Variants in RASEF observed in about 807,000 individuals in gnomAD.
The protein encoded by RASEF is RAS and EF-hand domain containing.
Under a neutral mutation model 90.1 loss-of-function variants are expected in RASEF, and 68 were observed. The observed-to-expected ratio is 0.75, with a 90% CI of 0.62 to 0.92. The LOEUF (loss-of-function observed/expected upper bound fraction) is 0.92, where lower values mean the gene tolerates loss of function less well. Ranked by LOEUF, RASEF falls within the 40% of genes least tolerant of loss-of-function variation. RASEF has a pLI of 0.00. For synonymous variants in RASEF, 331 were observed against 345.2 expected, an observed-to-expected ratio of 0.96 and a Z score of 0.46; for missense variants, 949 against 937.2, an observed-to-expected ratio of 1.01 and a Z score of -0.16.
At chr9:83,205,124 A>C in the RASEF span, among the ~76,000 whole-genome samples, 35 of 152,352 alleles carry the variant, frequency 2.3e-4, no homozygotes, top group African/African-American at 7.9e-4. Flanking sequence ...CACAAAACAA[A>C]GTTGATGAAA....
chr9:83,142,667 G>A, the RASEF span, among the ~76,000 whole-genome samples: 2 of 152,166 alleles, frequency 1.3e-5, no homozygotes, highest in African/African-American at 4.8e-5. Context: ...GAGGACTGCA[G>A]CAAACCAGAG....
the RASEF span, among the ~76,000 whole-genome samples, chr9:83,182,490 G>A: frequency 6.6e-6 from 1 of 152,140 alleles, no homozygotes; most frequent in Non-Finnish European, 1.5e-5. Flanking sequence ...AAATTACACT[G>A]TAAATCAGAG....
chr9:83,167,365 T>C, the RASEF span, among the ~76,000 whole-genome samples: 1 of 9,502 alleles, frequency 1.1e-4, no homozygotes, highest in Non-Finnish European at 1.9e-4. Context: ...TCTTTAGGCC[T>C]TTTTTTTTTT....
intron 1 of RASEF, among the ~76,000 whole-genome samples, chr9:83,057,399 A>G (rs1025304762): frequency 4.3e-4 from 66 of 152,324 alleles, no homozygotes; most frequent in African/African-American, 1.5e-3. Flanking sequence ...ACCAATAATG[A>G]GCTGTAGTTA....
At chr9:82,993,415 C>T (rs576661554) in intron 14 of RASEF, among the ~76,000 whole-genome samples, 150 of 152,284 alleles carry the variant, frequency 9.9e-4, no homozygotes, top group African/African-American at 3.5e-3. Context: ...GCACTACAAG[C>T]CAATATAAAC....
At chr9:83,038,008 T>C (rs1587513706) in intron 1 of RASEF, among the ~76,000 whole-genome samples, 1 of 152,050 alleles carries the variant, frequency 6.6e-6, no homozygotes, top group Non-Finnish European at 1.5e-5. Context: ...TCTGAACTCA[T>C]GAGAAAGATC....
the RASEF span, among the ~76,000 whole-genome samples, chr9:83,089,626 G>C: frequency 6.6e-6 from 1 of 152,156 alleles, no homozygotes; most frequent in East Asian, 1.9e-4. Flanking sequence ...TCCATATTTT[G>C]ATAAGAAATC....
At chr9:83,178,065 GTT>G in the RASEF span, among the ~76,000 whole-genome samples, 1 of 152,040 alleles carries the variant, frequency 6.6e-6, no homozygotes, top group African/African-American at 2.4e-5. Context: ...TTAAATGGTT[GTT>G]TTTTGTTGGT....
chr9:83,206,282 A>G, the RASEF span, among the ~76,000 whole-genome samples: 9 of 152,362 alleles, frequency 5.9e-5, no homozygotes, highest in African/African-American at 1.4e-4. Context: ...GGTTTATTCT[A>G]TGAAAGAAAA....
intron 16 of RASEF, among the ~76,000 whole-genome samples, chr9:82,985,563 A>G (rs1056867479): frequency 1.3e-5 from 2 of 152,194 alleles, no homozygotes; most frequent in African/African-American, 2.4e-5. Context: ...GTAAGACACC[A>G]ATGTGGGGTT....
At chr9:83,060,147 C>G (rs964957994) in intron 1 of RASEF, among the ~76,000 whole-genome samples, 1 of 152,050 alleles carries the variant, frequency 6.6e-6, no homozygotes, top group African/African-American at 2.4e-5. Flanking sequence ...CAGACTGTCC[C>G]CAGGGATAAG....
chr9:83,046,989 T>C (rs1829945301), intron 1 of RASEF, among the ~76,000 whole-genome samples: 1 of 152,188 alleles, frequency 6.6e-6, no homozygotes, highest in African/African-American at 2.4e-5. Flanking sequence ...TATGATGAAA[T>C]GGCCATCTGA....
the RASEF span, among the ~76,000 whole-genome samples, chr9:83,112,450 C>T: frequency 3.9e-5 from 6 of 152,082 alleles, no homozygotes; most frequent in South Asian, 2.1e-4. Context: ...TTTGGGAGGC[C>T]GAGGCGGGTG....
chr9:83,035,759 T>C (rs1013904673), intron 1 of RASEF, among the ~76,000 whole-genome samples: 1 of 152,216 alleles, frequency 6.6e-6, no homozygotes, highest in East Asian at 1.9e-4. Flanking sequence ...AAAAAGGAGC[T>C]GAGAAGCAAA....
chr9:83,111,465 C>T, the RASEF span, among the ~76,000 whole-genome samples: 3 of 151,896 alleles, frequency 2.0e-5, no homozygotes, highest in Non-Finnish European at 4.4e-5. Flanking sequence ...ATACTGTACA[C>T]CTGAAATTTT....
the RASEF span, among the ~76,000 whole-genome samples, chr9:83,197,175 A>G: frequency 6.6e-6 from 1 of 152,236 alleles, no homozygotes; most frequent in South Asian, 2.1e-4. Context: ...ACATCAGCAC[A>G]GGCCATGGAA....
chr9:83,068,118 T>C (rs1453108983), upstream of RASEF, among the ~76,000 whole-genome samples: 1 of 152,234 alleles, frequency 6.6e-6, no homozygotes, highest in African/African-American at 2.4e-5. Flanking sequence ...GAGATCCGCC[T>C]GACTCGGCCT....
rs116894496 is a variant in RASEF at position 83,019,236 on chromosome 9, G to A, written c.669+3100C>T. Among the ~76,000 whole-genome samples the A allele has an allele frequency of 4.6e-5, 7 of 152,024 alleles. No individual in the cohort carries two copies. The East Asian group carries it at 1.3e-3, about 29-fold the overall frequency. The stretch of plus-strand genomic sequence containing the variant: ...GTATCTGATAAAAGACTTGCATTCA[G>A]AATATAAAAGAACTCTCAAAACATA... On this transcript the variant is annotated intron_variant, in intron 3 of 16. Transcript: ENST00000376447.
the RASEF span, among the ~76,000 whole-genome samples, chr9:83,117,880 G>A: frequency 8.5e-5 from 13 of 152,176 alleles, no homozygotes; most frequent in Non-Finnish European, 1.8e-4. Context: ...TTTTCTCTAT[G>A]ATAAATGTGC....
Sources: allele counts gnomAD v4.1 joint callset (sites outside exome capture counted in the v4.1 genomes callset), GRCh38; gene constraint gnomAD v4.1.1; transcripts MANE v1.5; gene names NCBI Gene and HGNC (gene_info 2026-07-23, HGNC 2026-07-21).